The following TLR6 variants were observed in gnomAD, a reference collection of about 807,000 sequenced individuals.
TLR6 encodes toll like receptor 6.
A neutral mutation model predicts 16.1 loss-of-function variants in TLR6; 9 were observed. The observed-to-expected ratio is 0.56, with a 90% CI of 0.34 to 0.98. The LOEUF is 0.98. Among genes scored for constraint, TLR6 ranks in the 50% least tolerant of loss-of-function variants. The pLI is 0.02. For synonymous variants in TLR6, 340 were observed against 338.6 expected, an observed-to-expected ratio of 1.00 and a Z score of -0.04; for missense variants, 786 against 921.0, an observed-to-expected ratio of 0.85 and a Z score of 1.90.
intron 1 of TLR6, among the ~76,000 whole-genome samples, chr4:38,850,412 C>A (rs7697788): frequency 0.59 from 89,912 of 151,906 alleles, 27,927 homozygotes; most frequent in African/African-American, 0.79. Flanking sequence ...AGACACAAAA[C>A]ACCCTTCAAA....
At chr4:38,835,109 G>A (rs1305996969) in intron 1 of TLR6, among the ~76,000 whole-genome samples, 1 of 152,138 alleles carries the variant, frequency 6.6e-6, no homozygotes, top group Non-Finnish European at 1.5e-5. Flanking sequence ...ACAGAAATAA[G>A]TCGTTACCTA....
At chr4:38,830,212 CA>C (rs1047261235) in intron 1 of TLR6, among the ~76,000 whole-genome samples, 7 of 152,294 alleles carry the variant, frequency 4.6e-5, no homozygotes, top group Admixed American at 4.6e-4. Context: ...CTGCAAAGAT[CA>C]GGGGTGTTTT....
intron 1 of TLR6, among the ~76,000 whole-genome samples, chr4:38,834,864 G>C (rs964938773): frequency 1.3e-5 from 2 of 152,182 alleles, no homozygotes; most frequent in African/African-American, 4.8e-5. Flanking sequence ...ATCACCACTA[G>C]ACGAGCCCTA....
chr4:38,828,067 G>T (rs201344154), exon 2 of TLR6: 1 of 1,614,192 alleles, frequency 6.2e-7, no homozygotes, highest in Non-Finnish European at 8.5e-7. Context: ...CCAGTTTTAC[G>T]ACTTGTTTAG....
chr4:38,848,467 C>T (rs1023324039), intron 1 of TLR6, among the ~76,000 whole-genome samples: 5 of 152,012 alleles, frequency 3.3e-5, no homozygotes, highest in Non-Finnish European at 5.9e-5. Context: ...TGGCTTCAGA[C>T]GATCAAACTT....
exon 2 of TLR6, chr4:38,828,162 T>G (rs780151654): frequency 1.9e-6 from 3 of 1,614,236 alleles, no homozygotes; most frequent in Non-Finnish European, 2.5e-6. Flanking sequence ...GTAAGCATAT[T>G]TGAAGACAAA....
At chr4:38,835,583 G>A (rs1168527796) in intron 1 of TLR6, among the ~76,000 whole-genome samples, 2 of 152,168 alleles carry the variant, frequency 1.3e-5, no homozygotes, top group Non-Finnish European at 2.9e-5. Flanking sequence ...TATCAGCAAA[G>A]AAACATTGGA....
At chr4:38,828,802 T>C in exon 2 of TLR6, 1 of 1,613,996 alleles carries the variant, frequency 6.2e-7, no homozygotes, top group African/African-American at 1.3e-5. Context: ...TATTAGTCAG[T>C]TGTAAGCACC....
chr4:38,840,469 T>TA (rs979119848), intron 1 of TLR6, among the ~76,000 whole-genome samples: 34 of 151,634 alleles, frequency 2.2e-4, no homozygotes, highest in Admixed American at 1.2e-3. Context: ...CCGTCTCTAC[T>TA]AAAAAAATAC....
intron 1 of TLR6, among the ~76,000 whole-genome samples, chr4:38,834,985 G>A (rs1711838107): frequency 6.6e-6 from 1 of 152,158 alleles, no homozygotes; most frequent in South Asian, 2.1e-4. Context: ...ATAAATGAAA[G>A]AGAAAAGAGT....
chr4:38,862,658 C>A, the TLR6 span, among the ~76,000 whole-genome samples: 1 of 130,802 alleles, frequency 7.6e-6, no homozygotes, highest in African/African-American at 3.0e-5. Flanking sequence ...TGCAGTGGTG[C>A]AATCTCAGCT....
chr4:38,847,516 A>AG (rs11437915), intron 1 of TLR6, among the ~76,000 whole-genome samples: 152,206 of 152,206 alleles, frequency 1, 76,103 homozygotes, highest in Non-Finnish European at 1. Flanking sequence ...ACAAGGGGTC[A>AG]GGAATTCCCT....
At chr4:38,833,097 CTG>C (rs1711706841) in intron 1 of TLR6, among the ~76,000 whole-genome samples, 1 of 152,226 alleles carries the variant, frequency 6.6e-6, no homozygotes, top group Non-Finnish European at 1.5e-5. Context: ...CTGCTGCTGC[CTG>C]TGTCTACCAC....
At chr4:38,846,837 C>T (rs1448554701) in intron 1 of TLR6, among the ~76,000 whole-genome samples, 1 of 151,782 alleles carries the variant, frequency 6.6e-6, no homozygotes, top group East Asian at 1.9e-4. Flanking sequence ...CTATAGATGC[C>T]AATTAACTCC....
chr4:38,854,343 T>C (rs1182278560), intron 1 of TLR6, among the ~76,000 whole-genome samples: 3 of 152,164 alleles, frequency 2.0e-5, no homozygotes, highest in East Asian at 3.8e-4. Flanking sequence ...AAGAAATAAA[T>C]TGTAATTTTT....
At chr4:38,868,112 C>T in the TLR6 span, 117 of 275,552 alleles carry the variant, frequency 4.2e-4, 1 homozygote, top group South Asian at 9.5e-4. Flanking sequence ...CACACACCCA[C>T]ACGCCCACAC....
At chr4:38,846,154 A>G (rs536613022) in intron 1 of TLR6, among the ~76,000 whole-genome samples, 36 of 152,236 alleles carry the variant, frequency 2.4e-4, no homozygotes, top group African/African-American at 7.7e-4. Flanking sequence ...CAGCATCCCA[A>G]CAAGCAGGCT....
upstream of TLR6, among the ~76,000 whole-genome samples, chr4:38,858,228 G>T (rs1284997504): frequency 4.3e-4 from 66 of 152,334 alleles, no homozygotes; most frequent in Non-Finnish European, 5.9e-5. Context: ...TTACTGTGAG[G>T]CTTGGGACAA....
chr4:38,852,853 C>G (rs1232700381), intron 1 of TLR6, among the ~76,000 whole-genome samples: 1 of 152,142 alleles, frequency 6.6e-6, no homozygotes. Context: ...ACTAGAAATA[C>G]GATTTGACCC....
Sources: gnomAD v4.1 joint callset for allele counts (sites outside exome capture counted in the v4.1 genomes callset) on GRCh38, gnomAD v4.1.1 for gene constraint, MANE v1.5 for transcripts, NCBI Gene and HGNC (gene_info 2026-07-23, HGNC 2026-07-21) for gene names.